MYRIP: variants seen among roughly 807,000 people sequenced by gnomAD.
The protein encoded by MYRIP is myosin VIIA and Rab interacting protein.
Under a neutral mutation model 98.0 loss-of-function variants are expected in MYRIP, and 49 were observed. The observed-to-expected ratio is 0.50, with a 90% CI of 0.40 to 0.63. The LOEUF (loss-of-function observed/expected upper bound fraction) is 0.63, where lower values mean the gene tolerates loss of function less well. Among genes scored for constraint, MYRIP ranks in the 30% least tolerant of loss-of-function variants. The pLI, the probability that MYRIP is intolerant of heterozygous loss-of-function variation, is 0.00. For synonymous variants in MYRIP, 404 were observed against 409.5 expected (o/e 0.99, Z 0.16); for missense variants, 1,004 against 1,058.2 (o/e 0.95, Z 0.71).
intron 3 of MYRIP, among the ~76,000 whole-genome samples, chr3:40,128,542 T>C (rs1196711935): frequency 1.3e-5 from 2 of 152,188 alleles, no homozygotes; most frequent in Non-Finnish European, 2.9e-5. Context: ...ATTGCATGTG[T>C]TCCGTGGGAC....
At chr3:39,813,573 G>A (rs953286159) in intron 1 of MYRIP, among the ~76,000 whole-genome samples, 5 of 152,172 alleles carry the variant, frequency 3.3e-5, no homozygotes, top group Non-Finnish European at 7.3e-5. Context: ...TATGCAAGCC[G>A]GAGTGAAGGT....
At chr3:39,974,734 G>C (rs531539909) in intron 2 of MYRIP, among the ~76,000 whole-genome samples, 17 of 152,266 alleles carry the variant, frequency 1.1e-4, no homozygotes, top group African/African-American at 3.9e-4. Flanking sequence ...GGGATGCAAG[G>C]CTGGTTCAAC....
At chr3:39,951,906 T>C (rs1056685222) in intron 2 of MYRIP, among the ~76,000 whole-genome samples, 1 of 152,184 alleles carries the variant, frequency 6.6e-6, no homozygotes, top group African/African-American at 2.4e-5. Flanking sequence ...TTTATGATGG[T>C]ATAATGTACA....
intron 2 of MYRIP, among the ~76,000 whole-genome samples, chr3:39,978,719 T>A (rs1328562567): frequency 2.0e-5 from 3 of 152,198 alleles, no homozygotes; most frequent in Admixed American, 2.0e-4. Flanking sequence ...TAAATTTGAG[T>A]TTAGTGCCCT....
intron 3 of MYRIP, among the ~76,000 whole-genome samples, chr3:40,109,585 G>A (rs1454517199): frequency 6.6e-6 from 1 of 152,218 alleles, no homozygotes; most frequent in Non-Finnish European, 1.5e-5. Context: ...AGGAGTTTCA[G>A]AAGGAGAATG....
chr3:40,084,123 C>T (rs1160723933), intron 3 of MYRIP, among the ~76,000 whole-genome samples: 13 of 88,712 alleles, frequency 1.5e-4, no homozygotes, highest in Middle Eastern at 0.015. Flanking sequence ...GGCAACAGAT[C>T]GAGACTCCAT....
At chr3:39,931,476 G>T (rs186191713) in intron 2 of MYRIP, among the ~76,000 whole-genome samples, 1 of 151,376 alleles carries the variant, frequency 6.6e-6, no homozygotes, top group African/African-American at 2.4e-5. Flanking sequence ...TTTGCATAGA[G>T]ATAATTTTAC....
chr3:40,038,156 C>T (rs1363506119), intron 2 of MYRIP, among the ~76,000 whole-genome samples: 1 of 151,850 alleles, frequency 6.6e-6, no homozygotes, highest in East Asian at 1.9e-4. Flanking sequence ...ACAAAAGCCA[C>T]ATATTTGGAA....
intron 3 of MYRIP, among the ~76,000 whole-genome samples, chr3:40,133,853 G>C (rs78967629): frequency 6.6e-6 from 1 of 152,158 alleles, no homozygotes; most frequent in Non-Finnish European, 1.5e-5. Flanking sequence ...ATATAGATTC[G>C]ACAACTCTCA....
chr3:40,163,984 G>A (rs774197696), intron 5 of MYRIP, among the ~76,000 whole-genome samples: 14 of 152,032 alleles, frequency 9.2e-5, no homozygotes, highest in African/African-American at 1.9e-4. Flanking sequence ...CTGCTGAGCC[G>A]GAAATGCCCA....
chr3:40,116,327 C>A (rs1195086384), intron 3 of MYRIP, among the ~76,000 whole-genome samples: 1 of 152,162 alleles, frequency 6.6e-6, no homozygotes, highest in African/African-American at 2.4e-5. Context: ...TCCCAAGGAA[C>A]AACTTACATT....
At chr3:39,958,044 G>C (rs965151598) in intron 2 of MYRIP, among the ~76,000 whole-genome samples, 2 of 152,172 alleles carry the variant, frequency 1.3e-5, no homozygotes, top group Non-Finnish European at 2.9e-5. Flanking sequence ...ACAAACAAAT[G>C]GAAGAACATT....
chr3:40,038,159 A>G (rs1188487806), intron 2 of MYRIP, among the ~76,000 whole-genome samples: 6 of 152,156 alleles, frequency 3.9e-5, no homozygotes, highest in Admixed American at 3.9e-4. Flanking sequence ...AAAGCCACAT[A>G]TTTGGAAATT....
At chr3:40,027,433 C>A (rs1947158304) in intron 2 of MYRIP, among the ~76,000 whole-genome samples, 1 of 152,066 alleles carries the variant, frequency 6.6e-6, no homozygotes, top group African/African-American at 2.4e-5. Context: ...TCCTGTCTCC[C>A]CCCAATACTA....
chr3:39,966,490 C>T (rs549274980), intron 2 of MYRIP, among the ~76,000 whole-genome samples: 1 of 152,256 alleles, frequency 6.6e-6, no homozygotes, highest in African/African-American at 2.4e-5. Flanking sequence ...ATTAGTGTTC[C>T]AGCAGGAAAT....
intron 2 of MYRIP, among the ~76,000 whole-genome samples, chr3:40,018,383 G>A (rs1946916583): frequency 6.6e-6 from 1 of 152,096 alleles, no homozygotes; most frequent in Admixed American, 6.5e-5. Flanking sequence ...CTGCTTTCCT[G>A]TCTCCCGCTA....
intron 1 of MYRIP, among the ~76,000 whole-genome samples, chr3:39,855,653 T>A (rs1942265725): frequency 6.6e-6 from 1 of 151,954 alleles, no homozygotes; most frequent in African/African-American, 2.4e-5. Context: ...TTCACCCAGC[T>A]CCTACACAGT....
chr3:39,929,881 C>A (rs557123091), intron 2 of MYRIP, among the ~76,000 whole-genome samples: 1 of 152,092 alleles, frequency 6.6e-6, no homozygotes, highest in East Asian at 1.9e-4. Context: ...TTTCGAGGTT[C>A]ATCCATGTTA....
chr3:39,925,856 A>T (rs1249119753), intron 2 of MYRIP, among the ~76,000 whole-genome samples: 1 of 152,102 alleles, frequency 6.6e-6, no homozygotes, highest in African/African-American at 2.4e-5. Flanking sequence ...CAGTAGTGGG[A>T]TGGCTGGGTT....
Sources: gnomAD v4.1 joint callset for allele counts (sites outside exome capture counted in the v4.1 genomes callset) on GRCh38, gnomAD v4.1.1 for gene constraint, MANE v1.5 for transcripts, NCBI Gene and HGNC (gene_info 2026-07-23, HGNC 2026-07-21) for gene names.